Variants in ACSM4 observed in about 807,000 individuals in gnomAD.
The protein encoded by ACSM4 is acyl-CoA synthetase medium chain family member 4, also known as acyl-coenzyme A synthetase ACSM4, mitochondrial.
ACSM4 carries 66 observed loss-of-function variants against 73.0 expected under a neutral mutation model. The observed-to-expected ratio is 0.90, with a 90% confidence interval of 0.74 to 1.11. The LOEUF (loss-of-function observed/expected upper bound fraction) is 1.11. Among genes scored for constraint, ACSM4 ranks in the 50% least tolerant of loss-of-function variants. The pLI is 0.00. For missense variants in ACSM4, 645 were observed against 714.4 expected (o/e 0.90, Z 1.11); for synonymous variants, 222 against 254.0 (o/e 0.87, Z 1.20).
intron 3 of ACSM4, among the ~76,000 whole-genome samples, chr12:7,314,592 G>A (rs914219865): frequency 6.6e-6 from 1 of 151,770 alleles, no homozygotes; most frequent in African/African-American, 2.4e-5. Flanking sequence ...ATGAAAGATA[G>A]GTAGGTAGAT....
At position 7,304,268 on chromosome 12, in the gene ACSM4, C is replaced by A; in HGVS notation, c.-64C>A. The stretch of plus-strand genomic sequence containing the variant: ...CATCAAGAAACTGATACTCTCTATC[C>A]ATCTCTCCCTACAGGCTGTAGTACT... On this transcript the variant is annotated 5_prime_UTR_variant, in exon 1 of 13. Transcript: ENST00000399422. 6.6e-7 allele frequency: 1 copy of A among 1,504,170 alleles called. No individual in the cohort carries two copies. The allele number at this position is 1,504,170 out of a possible 1,614,324, so 93.2% of individuals were successfully genotyped here.
rs7968241 is a variant in ACSM4, at chr12:7,310,645, A to G, written c.519A>G (p.Pro173=). ...TTGTGGCCAGTGAGGAGGTGGCCCC[A>G]GCGGTGGAGTCCATTGTATTGGAGT... ...KCIVASEEVA[P]AVESIVLECP... The change falls in exon 3 of 13, where the codon CCA becomes CCG. Residue 173 remains proline (P), a synonymous_variant. Transcript: ENST00000399422. 6.2e-7 allele frequency: 1 copy of G among 1,612,434 alleles called. No individual in the cohort carries two copies. The highest frequency in any genetic ancestry group is 1.1e-5 in the South Asian group (1 of 90,892).
intron 11 of ACSM4, among the ~76,000 whole-genome samples, chr12:7,326,255 T>A (rs1227568170): frequency 1.3e-5 from 2 of 152,032 alleles, no homozygotes; most frequent in Non-Finnish European, 2.9e-5. Flanking sequence ...CAGGGTGGAG[T>A]GCCGTGGTGC....
chr12:7,323,904 C>T (rs1946483707), intron 9 of ACSM4, among the ~76,000 whole-genome samples: 2 of 152,240 alleles, frequency 1.3e-5, no homozygotes, highest in Admixed American at 6.5e-5. Context: ...CAGCCAGGCA[C>T]AGTGGCTCAC....
At chr12:7,324,630 A>G (rs375527526) in intron 11 of ACSM4, 32 bp downstream of exon 11, 11 of 1,604,632 alleles carry the variant, frequency 6.9e-6, no homozygotes, top group Admixed American at 1.7e-5. Flanking sequence ...AAGAAGCAAC[A>G]TCATATTTTC....
rs1305450643 is a variant in ACSM4 at position 7,322,509 on chromosome 12, G to A, written c.1093G>A (p.Glu365Lys). Residue 365 changes from glutamate (E) to lysine (K), a missense_variant, in exon 7 of 13, where the codon GAG (glutamate) becomes AAG (lysine). By Grantham distance (56) the Glu-to-Lys change is moderately conservative. Transcript: ENST00000399422. ...LEQWRVQTGL[E>K]LYEGYGQTEV... ...GCAGTGGAGGGTGCAAACTGGGCTG[G>A]AGCTATATGAGGGCTATGGACAGAC... 4.3e-6 allele frequency: 7 copies of A among 1,613,888 alleles called. No homozygotes were observed. The highest frequency in any genetic ancestry group is 5.1e-6 in the Non-Finnish European group (6 of 1,179,844).
At chr12:7,308,150 C>T (rs982739770) in intron 2 of ACSM4, among the ~76,000 whole-genome samples, 15 of 152,092 alleles carry the variant, frequency 9.9e-5, no homozygotes, top group African/African-American at 3.1e-4. Flanking sequence ...GATGATCTTT[C>T]TGCCAATATT....
At chr12:7,312,268 T>A (rs1324368806) in intron 3 of ACSM4, among the ~76,000 whole-genome samples, 1 of 152,184 alleles carries the variant, frequency 6.6e-6, no homozygotes, top group Non-Finnish European at 1.5e-5. Context: ...ACAAAAGAGA[T>A]CACAACTGCA....
chr12:7,304,279 A>G lies in ACSM4; in HGVS notation c.-53A>G. 1.3e-6 allele frequency: 2 copies of G among 1,554,266 alleles called. No individual in the cohort carries two copies. The highest frequency in any genetic ancestry group is 1.8e-6 in the Non-Finnish European group (2 of 1,127,282). On this transcript the variant is annotated 5_prime_UTR_variant, in exon 1 of 13. Transcript: ENST00000399422. ...TGATACTCTCTATCCATCTCTCCCT[A>G]CAGGCTGTAGTACTTCTGTGTCCAT...
Position 7,323,252 on chromosome 12 carries a change from C to T in ACSM4, c.1144C>T (p.Gln382Ter), listed in dbSNP as rs1053408181. 42 of 1,609,424 alleles carry T rather than the reference C, an allele frequency of 2.6e-5. No individual in the cohort carries two copies. The highest frequency in any genetic ancestry group is 4.0e-5 in the African/African-American group (3 of 74,838). The change falls in exon 8 of 13, where the codon CAG (glutamine) becomes TAG (stop). Residue 382 changes from glutamine (Q) to a stop codon, truncating the protein, a stop_gained. Transcript: ENST00000399422. LOFTEE classifies it high-confidence loss of function. Reference protein sequence around the residue: ...QTEVGMICANQKGQEIKPGSM... With the variant: ...QTEVGMICAN ...TCAATAGGGAATGATTTGTGCCAAT[C>T]AGAAAGGCCAAGAAATTAAACCAGG... is the stretch of plus-strand genomic sequence containing the variant.
chr12:7,305,390 T>A (rs1946356497), intron 1 of ACSM4, among the ~76,000 whole-genome samples: 1 of 152,156 alleles, frequency 6.6e-6, no homozygotes, highest in African/African-American at 2.4e-5. Context: ...AAGTAAAAAG[T>A]GAGTCCATGT....
In ACSM4 at chr12:7,310,647, C is replaced by A. The variant is rs377589765; in HGVS notation, c.521C>A (p.Ala174Glu). Reference sequence around the variant, plus strand: ...GTGGCCAGTGAGGAGGTGGCCCCAGCGGTGGAGTCCATTGTATTGGAGTGT... The same window carrying A: ...GTGGCCAGTGAGGAGGTGGCCCCAGAGGTGGAGTCCATTGTATTGGAGTGT... ...CIVASEEVAP[A>E]VESIVLECPD... Residue 174 changes from alanine to glutamate, a missense_variant, in exon 3 of 13, where the codon GCG becomes GAG. Transcript: ENST00000399422. 5.0e-6 allele frequency: 8 copies of A among 1,613,022 alleles called. No homozygotes were observed. The African/African-American group carries it at 8.0e-5, about 16-fold the overall frequency.
intron 2 of ACSM4, 140 bp downstream of exon 2, chr12:7,306,883 T>G: frequency 1.2e-6 from 1 of 861,552 alleles, no homozygotes; most frequent in Non-Finnish European, 1.7e-6. Context: ...AAGGCAATCA[T>G]GATATAATAA....
intron 10 of ACSM4, 46 bp from the exon 11 acceptor site, chr12:7,324,453 T>G: frequency 6.2e-7 from 1 of 1,613,986 alleles, no homozygotes; most frequent in South Asian, 1.1e-5. Flanking sequence ...GAGGGAGATC[T>G]CTAACTTGGA....
chr12:7,306,642 T>C lies in ACSM4; in HGVS notation c.311T>C (p.Val104Ala), dbSNP rs769873346. 2 of 1,609,066 alleles carry C rather than the reference T, an allele frequency of 1.2e-6. No homozygotes were observed. The highest frequency in any genetic ancestry group is 1.7e-6 in the Non-Finnish European group (2 of 1,177,840). Residue 104 changes from valine to alanine, a missense_variant, in exon 2 of 13, where the codon GTG becomes GCG. Physicochemically the swap from Val to Ala is moderately conservative, Grantham distance 64. Coordinates refer to ENST00000399422, the MANE Select transcript of ACSM4 (RefSeq NM_001080454.2). Reference protein sequence around the residue: ...LGSLSRKAANVLTKPCGLQRG... With the variant: ...LGSLSRKAANALTKPCGLQRG... The stretch of plus-strand genomic sequence containing the variant: ...TCCTTGTCCCGAAAAGCTGCCAACG[T>C]GCTCACCAAGCCCTGTGGCCTGCAG...
At chr12:7,322,366 T>G in intron 6 of ACSM4, 52 bp from the exon 7 acceptor site, 1 of 1,610,642 alleles carries the variant, frequency 6.2e-7, no homozygotes. Context: ...TGTCTTGCAG[T>G]GAAAGCACTC....
Position 7,304,249 on chromosome 12 carries a change from G to C in ACSM4, c.-83G>C, listed in dbSNP as rs1726427284. 1 of 1,411,428 alleles carries C rather than the reference G, an allele frequency of 7.1e-7. No individual in the cohort carries two copies. Among genetic ancestry groups the C allele is most frequent in the Non-Finnish European group, 9.9e-7 (1 of 1,011,316 alleles). 87.4% of individuals were successfully genotyped at this position (1,411,428 alleles called of 1,614,324 possible). ...TCCCAGTCTCACCACAGAGCATCAAGAAACTGATACTCTCTATCCATCTCT... is the reference window on the plus strand; with the variant it reads ...TCCCAGTCTCACCACAGAGCATCAACAAACTGATACTCTCTATCCATCTCT... On this transcript the variant is annotated 5_prime_UTR_variant, in exon 1 of 13. Transcript: ENST00000399422.
At chr12:7,309,363 A>T (rs1162122046) in intron 2 of ACSM4, among the ~76,000 whole-genome samples, 1 of 152,206 alleles carries the variant, frequency 6.6e-6, no homozygotes, top group Non-Finnish European at 1.5e-5. Context: ...AGGGTTGCTT[A>T]AAACAGTAGT....
chr12:7,310,868 A>G, intron 3 of ACSM4, 122 bp downstream of exon 3: 1 of 1,077,130 alleles, frequency 9.3e-7, no homozygotes, highest in Non-Finnish European at 1.3e-6. Flanking sequence ...TCTTACTCAG[A>G]AAAGAATTAC....
Sources: allele counts gnomAD v4.1 joint callset (sites outside exome capture counted in the v4.1 genomes callset), GRCh38; gene constraint gnomAD v4.1.1; transcripts MANE v1.5; gene names NCBI Gene and HGNC (gene_info 2026-07-23, HGNC 2026-07-21).